TENM2: variants seen among roughly 807,000 people sequenced by gnomAD.
TENM2 encodes the protein teneurin-2.
TENM2 carries 52 observed loss-of-function variants against 245.2 expected under a neutral mutation model. The ratio of observed to expected loss-of-function variants is 0.21; its 90% CI spans 0.17 to 0.27. The LOEUF (loss-of-function observed/expected upper bound fraction) is 0.27. Among genes scored for constraint, TENM2 ranks in the 10% least tolerant of loss-of-function variants. The pLI is 1.00. For missense variants in TENM2, 3,046 were observed against 3,666.8 expected (o/e 0.83, Z 4.37); for synonymous variants, 1,363 against 1,438.9 (o/e 0.95, Z 1.19).
chr5:167,369,229 C>T (rs1760257453), intron 1 of TENM2, among the ~76,000 whole-genome samples: 1 of 152,134 alleles, frequency 6.6e-6, no homozygotes, highest in South Asian at 2.1e-4. Flanking sequence ...TCCCATTTTT[C>T]AGAAACTGCT....
At chr5:167,246,474 ATATGTT>A in the TENM2 span, among the ~76,000 whole-genome samples, 2 of 151,472 alleles carry the variant, frequency 1.3e-5, no homozygotes, top group East Asian at 3.9e-4. Flanking sequence ...ATCTATATGT[ATATGTT>A]ATGTATGTAT....
chr5:168,011,160 G>T (rs1053464916), intron 5 of TENM2, among the ~76,000 whole-genome samples: 15 of 152,238 alleles, frequency 9.9e-5, no homozygotes, highest in Admixed American at 9.8e-4. Context: ...AGGGTCCTAA[G>T]ATGTGCAAAG....
At chr5:167,704,830 G>T (rs531861822) in intron 2 of TENM2, among the ~76,000 whole-genome samples, 18 of 151,796 alleles carry the variant, frequency 1.2e-4, no homozygotes, top group Admixed American at 1.1e-3. Flanking sequence ...GAAATATGAT[G>T]TCTTCGAGGC....
At chr5:168,006,077 G>A (rs530743970) in intron 5 of TENM2, among the ~76,000 whole-genome samples, 99 of 152,302 alleles carry the variant, frequency 6.5e-4, no homozygotes, top group African/African-American at 2.2e-3. Flanking sequence ...AGCTTCATGG[G>A]CAGTTAGGAA....
At chr5:168,235,274 A>T (rs1473548631) in intron 25 of TENM2, among the ~76,000 whole-genome samples, 2 of 152,246 alleles carry the variant, frequency 1.3e-5, no homozygotes, top group Admixed American at 1.3e-4. Context: ...ATTTCACCTT[A>T]CATGGTGAGC....
intron 1 of TENM2, among the ~76,000 whole-genome samples, chr5:167,362,974 A>C (rs1375279510): frequency 3.3e-5 from 5 of 152,198 alleles, no homozygotes; most frequent in African/African-American, 1.2e-4. Context: ...GCATGTGACC[A>C]CAAGATGCAA....
intron 2 of TENM2, among the ~76,000 whole-genome samples, chr5:167,864,611 A>C (rs1178705346): frequency 1.3e-5 from 2 of 152,232 alleles, no homozygotes; most frequent in African/African-American, 4.8e-5. Flanking sequence ...ACATTGTTAC[A>C]TCAGCACTTG....
intron 1 of TENM2, among the ~76,000 whole-genome samples, chr5:167,342,859 ATTT>A (rs34528128): frequency 7.0e-4 from 99 of 142,350 alleles, no homozygotes; most frequent in African/African-American, 2.3e-3. Context: ...TCCATGATGC[ATTT>A]TTTTTTTTTT....
chr5:167,593,189 T>C (rs147749523), intron 2 of TENM2, among the ~76,000 whole-genome samples: 11 of 152,330 alleles, frequency 7.2e-5, no homozygotes, highest in Non-Finnish European at 1.2e-4. Flanking sequence ...GTGGAATTAA[T>C]TCTGTAATGT....
At chr5:168,135,566 A>G (rs1485851569) in intron 12 of TENM2, among the ~76,000 whole-genome samples, 3 of 152,182 alleles carry the variant, frequency 2.0e-5, no homozygotes, top group Admixed American at 6.5e-5. Flanking sequence ...ATCGTTGGCT[A>G]TTATTGAACT....
At chr5:167,274,490 C>A in the TENM2 span, among the ~76,000 whole-genome samples, 1 of 152,052 alleles carries the variant, frequency 6.6e-6, no homozygotes, top group East Asian at 1.9e-4. Context: ...TTTGCATGAA[C>A]ATAAGTTTTC....
the TENM2 span, among the ~76,000 whole-genome samples, chr5:167,240,472 G>A: frequency 6.6e-6 from 1 of 151,882 alleles, no homozygotes; most frequent in South Asian, 2.1e-4. Context: ...GTTAAAAAAA[G>A]GTTTCCACTA....
intron 4 of TENM2, among the ~76,000 whole-genome samples, chr5:167,979,639 C>T (rs1782687870): frequency 6.6e-6 from 1 of 152,070 alleles, no homozygotes; most frequent in African/African-American, 2.4e-5. Flanking sequence ...CCACGATTTT[C>T]CAAAATCATT....
chr5:167,963,214 A>G (rs953475583), intron 4 of TENM2, among the ~76,000 whole-genome samples: 3 of 152,224 alleles, frequency 2.0e-5, no homozygotes, highest in Admixed American at 1.3e-4. Flanking sequence ...TTTATCTATT[A>G]CATAAGTAAA....
At chr5:167,896,078 G>T (rs6872945) in intron 3 of TENM2, among the ~76,000 whole-genome samples, 3,257 of 152,328 alleles carry the variant, frequency 0.021, 115 homozygotes, top group African/African-American at 0.073. Context: ...GAGTCAGCAG[G>T]TCAGGCAGTC....
chr5:167,764,722 C>T (rs1762893534), intron 2 of TENM2, among the ~76,000 whole-genome samples: 2 of 152,164 alleles, frequency 1.3e-5, no homozygotes, highest in Non-Finnish European at 2.9e-5. Flanking sequence ...CAGAGAAGAT[C>T]AGGGCCAAGT....
chr5:167,047,044 A>T, the TENM2 span, among the ~76,000 whole-genome samples: 1 of 152,210 alleles, frequency 6.6e-6, no homozygotes, highest in African/African-American at 2.4e-5. Context: ...TTTCTAACAA[A>T]CTATCAGTAG....
At chr5:167,343,311 A>C (rs1758239888) in intron 1 of TENM2, among the ~76,000 whole-genome samples, 1 of 152,190 alleles carries the variant, frequency 6.6e-6, no homozygotes, top group African/African-American at 2.4e-5. Context: ...TTGAAAAATT[A>C]TACTGGACAC....
rs564042973 is a variant in TENM2, at chr5:167,609,773, T to C, written c.502+234300T>C. Among the ~76,000 whole-genome samples the C allele has an allele frequency of 5.3e-5, 8 of 152,240 alleles. No individual in the cohort carries two copies. The East Asian group carries it at 1.4e-3, about 26-fold the overall frequency. The stretch of plus-strand genomic sequence containing the variant: ...AGATAGGAAAAAAACAAACTGTTTT[T>C]CCTACTCTCACATGTTCAACACGGA... On this transcript the variant is annotated intron_variant, in intron 2 of 28. Coordinates refer to ENST00000518659, the Ensembl canonical transcript of TENM2.
Sources: gnomAD v4.1 joint callset for allele counts (sites outside exome capture counted in the v4.1 genomes callset) on GRCh38, gnomAD v4.1.1 for gene constraint, MANE v1.5 for transcripts, NCBI Gene and HGNC (gene_info 2026-07-23, HGNC 2026-07-21) for gene names.